The following GNAI3 variants were observed in gnomAD, a reference collection of about 807,000 sequenced individuals.
The protein encoded by GNAI3 is guanine nucleotide-binding protein G(i) subunit alpha-3.
A neutral mutation model predicts 41.8 loss-of-function variants in GNAI3; 12 were observed. That is an observed-to-expected ratio of 0.29 (90% CI 0.18 to 0.47). GNAI3 has a LOEUF of 0.47. Among genes scored for constraint, GNAI3 ranks in the 20% least tolerant of loss-of-function variants. The pLI is 1.00. For missense variants in GNAI3, 360 were observed against 429.6 expected (o/e 0.84, Z 1.43); for synonymous variants, 132 against 146.5 (o/e 0.90, Z 0.71).
At chr1:109,560,252 GTT>G (rs1040852892) in intron 1 of GNAI3, among the ~76,000 whole-genome samples, 4 of 152,094 alleles carry the variant, frequency 2.6e-5, no homozygotes, top group Non-Finnish European at 5.9e-5. Flanking sequence ...ATGGATAAAT[GTT>G]TTTAATGTTA....
At chr1:109,578,070 C>G (rs189723893) in intron 3 of GNAI3, among the ~76,000 whole-genome samples, 5 of 152,186 alleles carry the variant, frequency 3.3e-5, no homozygotes, top group Admixed American at 6.5e-5. Context: ...TAATTTTAAA[C>G]CAACAAGTAG....
In GNAI3 at chr1:109,598,455, C is replaced by T. The variant is rs1225027646; in HGVS notation, c.*6133C>T. ...TCCTGCTGTGATATTCTGTGGTTCT[C>T]ATCAGATAGAAATAACATATTTGAA... On this transcript the variant is annotated 3_prime_UTR_variant, in exon 9 of 9. Coordinates refer to ENST00000369851, the MANE Select transcript of GNAI3 (RefSeq NM_006496.4). 6.5e-6 allele frequency: 1 copy of T among 154,514 alleles called. No homozygotes were observed. The highest frequency in any genetic ancestry group is 2.4e-5 in the African/African-American group (1 of 41,366). 9.6% of individuals were successfully genotyped at this position (154,514 alleles called of 1,614,324 possible).
chr1:109,589,257 T>G (rs1368581283), intron 7 of GNAI3, among the ~76,000 whole-genome samples: 1 of 151,618 alleles, frequency 6.6e-6, no homozygotes, highest in East Asian at 1.9e-4. Flanking sequence ...AAAGGAGAGG[T>G]TAAAAAGTGA....
At chr1:109,587,347 G>A (rs1649054720) in intron 7 of GNAI3, among the ~76,000 whole-genome samples, 2 of 152,140 alleles carry the variant, frequency 1.3e-5, no homozygotes, top group Non-Finnish European at 2.9e-5. Flanking sequence ...TAGTTGCAGA[G>A]AGACATAAAT....
intron 4 of GNAI3, 113 bp downstream of exon 4, chr1:109,579,474 A>T: frequency 1.7e-6 from 1 of 583,028 alleles, no homozygotes; most frequent in Non-Finnish European, 2.8e-6. Flanking sequence ...AGACGTTTAT[A>T]GGATACTTTA....
At chr1:109,584,826 G>A (rs1462781831) in intron 5 of GNAI3, among the ~76,000 whole-genome samples, 1 of 152,178 alleles carries the variant, frequency 6.6e-6, no homozygotes. Flanking sequence ...GAAGAAAATG[G>A]GGGAGTAAAT....
At chr1:109,582,410 G>A (rs1170453207) in intron 4 of GNAI3, 27 bp from the exon 5 acceptor site, 1 of 1,593,030 alleles carries the variant, frequency 6.3e-7, no homozygotes, top group Non-Finnish European at 8.6e-7. Context: ...GCTTCACCAA[G>A]TAAAAGTAAA....
chr1:109,568,231 A>G lies in GNAI3; in HGVS notation c.119-5506A>G, dbSNP rs894854840. Among the ~76,000 whole-genome samples the G allele has an allele frequency of 8.5e-5, 13 of 152,180 alleles. No homozygotes were observed. The South Asian group carries it at 2.5e-3, about 29-fold the overall frequency. The stretch of plus-strand genomic sequence containing the variant: ...CTGGTACCTGCTCAGAGATCTTTTT[A>G]AAAATACAATTAAGAACATGTGTCT... On this transcript the variant is annotated intron_variant, in intron 1 of 8. Coordinates refer to ENST00000369851, the MANE Select transcript of GNAI3 (RefSeq NM_006496.4).
chr1:109,560,790 C>T (rs1232022462), intron 1 of GNAI3, among the ~76,000 whole-genome samples: 1 of 152,120 alleles, frequency 6.6e-6, no homozygotes, highest in Non-Finnish European at 1.5e-5. Context: ...CTCAAGTGAT[C>T]CTCTCAACTC....
chr1:109,582,734 CTT>C (rs540704858), intron 5 of GNAI3, among the ~76,000 whole-genome samples, 169 bp downstream of exon 5: 39 of 152,308 alleles, frequency 2.6e-4, no homozygotes, highest in South Asian at 1.4e-3. Flanking sequence ...CCAAACATCT[CTT>C]GTTTCTCCAA....
chr1:109,557,971 A>T lies in GNAI3; in HGVS notation c.118+9133A>T, dbSNP rs186985717. 3.3e-5 allele frequency among the ~76,000 whole-genome samples: 5 copies of T among 152,344 alleles called. No individual in the cohort carries two copies. In the East Asian group the frequency reaches 9.6e-4, roughly 29 times the overall value. On this transcript the variant is annotated intron_variant, in intron 1 of 8. Coordinates refer to ENST00000369851, the MANE Select transcript of GNAI3 (RefSeq NM_006496.4). ...GAGATGACAGTGCCTGACACCTAGTAGGCACTCACTAAATATAAGTTGAAC... is the reference window on the plus strand; with the variant it reads ...GAGATGACAGTGCCTGACACCTAGTTGGCACTCACTAAATATAAGTTGAAC...
At chr1:109,550,466 A>G (rs983349153) in intron 1 of GNAI3, among the ~76,000 whole-genome samples, 1 of 152,194 alleles carries the variant, frequency 6.6e-6, no homozygotes, top group African/African-American at 2.4e-5. Context: ...AGCCTGAGCC[A>G]GCAAATGTTG....
At chr1:109,563,040 A>G (rs1272171775) in intron 1 of GNAI3, among the ~76,000 whole-genome samples, 1 of 152,180 alleles carries the variant, frequency 6.6e-6, no homozygotes, top group Non-Finnish European at 1.5e-5. Context: ...TAATGTTAGC[A>G]TCAAAATGGC....
At chr1:109,550,166 A>G (rs1464324598) in intron 1 of GNAI3, among the ~76,000 whole-genome samples, 3 of 152,336 alleles carry the variant, frequency 2.0e-5, no homozygotes, top group Non-Finnish European at 4.4e-5. Flanking sequence ...AGAGAACAGA[A>G]TGTACACTGT....
chr1:109,570,614 A>G (rs1322454494), intron 1 of GNAI3, among the ~76,000 whole-genome samples: 1 of 152,222 alleles, frequency 6.6e-6, no homozygotes, highest in Non-Finnish European at 1.5e-5. Context: ...AATCTTGCAA[A>G]ACTTATTTCA....
rs1473112197 is a variant in GNAI3, at chr1:109,597,026, G to A, written c.*4704G>A. ...ATTTGCATTATATACTTATTGGTTC[G>A]GGATTCCAAATCCAAAAATCTGAAA... On this transcript the variant is annotated 3_prime_UTR_variant, in exon 9 of 9. Transcript: ENST00000369851. 6.6e-6 allele frequency: 1 copy of A among 152,092 alleles called. No individual in the cohort carries two copies. Among genetic ancestry groups the A allele is most frequent in the Admixed American group, 6.6e-5 (1 of 15,252 alleles). 9.4% of individuals were successfully genotyped at this position (152,092 alleles called of 1,614,324 possible).
chr1:109,571,853 T>G (rs1296275), intron 1 of GNAI3, among the ~76,000 whole-genome samples: 5 of 149,546 alleles, frequency 3.3e-5, no homozygotes, highest in East Asian at 2.0e-4. Flanking sequence ...GGGAGGCAGA[T>G]GTTGCAGTGA....
At chr1:109,568,065 TG>T (rs1648502354) in intron 1 of GNAI3, among the ~76,000 whole-genome samples, 1 of 151,796 alleles carries the variant, frequency 6.6e-6, no homozygotes, top group Admixed American at 6.6e-5. Flanking sequence ...TATGTGATAA[TG>T]GTTTATTTGT....
In GNAI3 at chr1:109,598,130, T is replaced by C. The variant is rs1183657823; in HGVS notation, c.*5808T>C. 2 of 152,260 alleles carry C rather than the reference T, an allele frequency of 1.3e-5. No homozygotes were observed. Among genetic ancestry groups the C allele is most frequent in the African/African-American group, 4.8e-5 (2 of 41,474 alleles). 9.4% of individuals were successfully genotyped at this position (152,260 alleles called of 1,614,324 possible). On this transcript the variant is annotated 3_prime_UTR_variant, in exon 9 of 9. Transcript: ENST00000369851. ...GGTTTATCTGTCTCCTCTTATCTTTTACCTCTCCCTACGCCCAAAATTCTC... is the reference window on the plus strand; with the variant it reads ...GGTTTATCTGTCTCCTCTTATCTTTCACCTCTCCCTACGCCCAAAATTCTC...
Sources: allele counts gnomAD v4.1 joint callset (sites outside exome capture counted in the v4.1 genomes callset), GRCh38; gene constraint gnomAD v4.1.1; transcripts MANE v1.5; gene names NCBI Gene and HGNC (gene_info 2026-07-23, HGNC 2026-07-21).